The following ADAM29 variants were observed in gnomAD, a reference collection of about 807,000 sequenced individuals.
The protein encoded by ADAM29 is ADAM metallopeptidase domain 29, also known as disintegrin and metalloproteinase domain-containing protein 29.
For synonymous variants in ADAM29, 367 were observed against 342.3 expected, an observed-to-expected ratio of 1.07 and a Z score of -0.80; for missense variants, 969 against 1,001.8, an observed-to-expected ratio of 0.97 and a Z score of 0.44.
Position 174,976,739 on chromosome 4 carries a change from T to C in ADAM29, c.1214T>C (p.Val405Ala). Residue 405 changes from valine (V) to alanine (A), a missense_variant, in exon 5 of 5, where the codon GTT becomes GCT. Transcript: ENST00000359240. ...GTGAAGCGCTGTGGGAATGGTGTTGTTGAAGAAGGAGAAGAGTGTGACTGT... is the reference window on the plus strand; with the variant it reads ...GTGAAGCGCTGTGGGAATGGTGTTGCTGAAGAAGGAGAAGAGTGTGACTGT... ...FNVKRCGNGV[V>A]EEGEECDCGP... is the part of the protein sequence containing the mutation. 1 of 1,613,942 alleles carries C rather than the reference T, an allele frequency of 6.2e-7. No homozygotes were observed. Among genetic ancestry groups the C allele is most frequent in the Non-Finnish European group, 8.5e-7 (1 of 1,179,910 alleles).
chr4:174,935,650 T>G (rs2110950493), intron 3 of ADAM29, among the ~76,000 whole-genome samples: 1 of 152,228 alleles, frequency 6.6e-6, no homozygotes, highest in African/African-American at 2.4e-5. Context: ...CTTAATCTAT[T>G]TAGAAGTTTT....
intron 4 of ADAM29, among the ~76,000 whole-genome samples, chr4:174,957,651 CAATT>C (rs1256079537): frequency 2.0e-5 from 3 of 151,644 alleles, no homozygotes; most frequent in Non-Finnish European, 4.4e-5. Context: ...TTCAAGCAGC[CAATT>C]AATATTTTTA....
rs374967958 is a variant in ADAM29 at position 174,977,502 on chromosome 4, A to C, written c.1977A>C (p.Gly659=). The C allele has an allele frequency of 6.2e-7, 1 of 1,614,222 alleles. No homozygotes were observed. Among genetic ancestry groups the C allele is most frequent in the African/African-American group, 1.3e-5 (1 of 75,062 alleles). Residue 659 remains glycine (G), a synonymous_variant, in exon 5 of 5, where the codon GGA becomes GGC. Coordinates refer to ENST00000359240, the MANE Select transcript of ADAM29 (RefSeq NM_014269.4). ...CCAACTGCCTGATAAAAGGCTATGG[A>C]GGTAGTGTTGACAGTGGCCCACCCC... ...DPPNCLIKGY[G]GSVDSGPPPK... is the part of the protein sequence containing the mutation.
In ADAM29 at chr4:174,978,178, G is replaced by C; in HGVS notation, c.*190G>C. 8 of 928,742 alleles carry C rather than the reference G, an allele frequency of 8.6e-6. No individual in the cohort carries two copies. 57.5% of individuals were successfully genotyped at this position (928,742 alleles called of 1,614,324 possible). On this transcript the variant is annotated 3_prime_UTR_variant, in exon 5 of 5. Transcript: ENST00000359240. ...AGGTACATTAAAAAAATAATTCCTA[G>C]TATGTTTCTACTTACTCTTCATTGT... is the stretch of plus-strand genomic sequence containing the variant.
rs769787170 is a variant in ADAM29 at position 174,976,663 on chromosome 4, G to A, written c.1138G>A (p.Glu380Lys). Residue 380 changes from glutamate (E) to lysine (K), a missense_variant, in exon 5 of 5, where the codon GAG becomes AAG. Physicochemically the swap from Glu to Lys is moderately conservative, Grantham distance 56. Transcript: ENST00000359240. ...SYGDFWEYTV[E>K]RTKCLLETVH... ...TGGTGATTTTTGGGAATATACTGTA[G>A]AGAGGACAAAGTGTTTGCTTGAAAC... 7.6e-5 allele frequency: 123 copies of A among 1,613,854 alleles called. No individual in the cohort carries two copies. The highest frequency in any genetic ancestry group is 9.9e-5 in the Non-Finnish European group (117 of 1,179,954).
rs147498990 is a variant in ADAM29, at chr4:174,962,887, C to T, written c.-180-12459C>T. ...ATTTAGTGTTGATAATTGAGTCAAG[C>T]ACGAATTATCAATAAAATAACATGA... On this transcript the variant is annotated intron_variant, in intron 4 of 4. Coordinates refer to ENST00000359240, the MANE Select transcript of ADAM29 (RefSeq NM_014269.4). Among the ~76,000 whole-genome samples, 495 of 152,176 alleles carry T rather than the reference C, an allele frequency of 3.3e-3. 2 individuals carry two copies. Among genetic ancestry groups the T allele is most frequent in the Middle Eastern group, 0.017 (5 of 294 alleles).
Position 174,975,599 on chromosome 4 carries a change from C to A in ADAM29, c.74C>A (p.Pro25His). The A allele has an allele frequency of 6.2e-7, 1 of 1,602,136 alleles. No individual in the cohort carries two copies. Among genetic ancestry groups the A allele is most frequent in the South Asian group, 1.1e-5 (1 of 88,740 alleles). Residue 25 changes from proline to histidine, a missense_variant, in exon 5 of 5, where the codon CCC becomes CAC. Pro to His is a moderately conservative substitution (Grantham distance 77). Coordinates refer to ENST00000359240, the MANE Select transcript of ADAM29 (RefSeq NM_014269.4). ...TCTGGACACATCCAGGATGAGCACCCCCAATATCACAGCCCTCCGGATGTG... is the reference window on the plus strand; with the variant it reads ...TCTGGACACATCCAGGATGAGCACCACCAATATCACAGCCCTCCGGATGTG... ...SCSGHIQDEH[P>H]QYHSPPDVVI...
intron 2 of ADAM29, among the ~76,000 whole-genome samples, chr4:174,921,661 C>T (rs969614719): frequency 1.3e-5 from 2 of 152,124 alleles, no homozygotes; most frequent in East Asian, 1.9e-4. Context: ...ATCAGTTTCC[C>T]GTCTCAGTAA....
At chr4:174,949,794 G>A (rs541046858) in intron 4 of ADAM29, among the ~76,000 whole-genome samples, 1 of 151,878 alleles carries the variant, frequency 6.6e-6, no homozygotes, top group East Asian at 1.9e-4. Flanking sequence ...GCATCCATCC[G>A]CATTTAAAAT....
intron 4 of ADAM29, among the ~76,000 whole-genome samples, chr4:174,947,082 A>G (rs969988849): frequency 6.6e-6 from 1 of 151,940 alleles, no homozygotes; most frequent in Admixed American, 6.6e-5. Flanking sequence ...TATGGGGCCA[A>G]TGGTAATTTC....
At chr4:174,918,788 A>G (rs890757071) in intron 1 of ADAM29, 1 of 152,156 alleles carries the variant, frequency 6.6e-6, no homozygotes, top group Non-Finnish European at 1.5e-5. Context: ...GCAGTGATAT[A>G]AATTTGTTCA....
chr4:174,975,720 C>T lies in ADAM29; in HGVS notation c.195C>T (p.Ile65=), dbSNP rs61753554. ...ILPFGGQKHI[I]HIKVKKLLFS... ...CCTTTGGAGGCCAGAAACACATTAT[C>T]CACATAAAGGTCAAGAAGCTTTTGT... The change falls in exon 5 of 5, where the codon ATC becomes ATT. Residue 65 remains isoleucine (I), a synonymous_variant. Coordinates refer to ENST00000359240, the MANE Select transcript of ADAM29 (RefSeq NM_014269.4). The T allele has an allele frequency of 8.9e-3, 14,371 of 1,611,736 alleles. 126 individuals are homozygous for T. Among genetic ancestry groups the T allele is most frequent in the Non-Finnish European group, 9.2e-3 (10,849 of 1,179,056 alleles).
intron 2 of ADAM29, among the ~76,000 whole-genome samples, chr4:174,922,922 A>G (rs1387835651): frequency 6.6e-6 from 1 of 152,084 alleles, no homozygotes; most frequent in African/African-American, 2.4e-5. Context: ...ACTATTTCCT[A>G]TACTCAAACA....
intron 4 of ADAM29, among the ~76,000 whole-genome samples, chr4:174,943,883 C>T (rs1418179120): frequency 6.6e-6 from 1 of 151,776 alleles, no homozygotes; most frequent in African/African-American, 2.4e-5. Context: ...AATACACACT[C>T]ATTTTATGAG....
rs1266514104 is a variant in ADAM29 at position 174,953,721 on chromosome 4, T to TA, written c.-181+16708_-181+16709insA. On this transcript the variant is annotated intron_variant, in intron 4 of 4. Transcript: ENST00000359240. ...GACCCATGCTTTTTTTTATTATTAT[T>TA]TTTTTCTGAGATGGGGTCTTGCTCT... Among the ~76,000 whole-genome samples, 731 of 152,216 alleles carry TA rather than the reference T, an allele frequency of 4.8e-3. 6 individuals carry two copies. Among genetic ancestry groups the TA allele is most frequent in the African/African-American group, 0.017 (703 of 41,518 alleles).
intron 4 of ADAM29, among the ~76,000 whole-genome samples, chr4:174,943,530 G>A (rs1408872953): frequency 6.6e-6 from 1 of 152,152 alleles, no homozygotes; most frequent in African/African-American, 2.4e-5. Context: ...GAGAGAGCAA[G>A]GGAGGATCAT....
chr4:174,923,560 T>TATATATATATATATATAG (rs70947473), intron 2 of ADAM29, among the ~76,000 whole-genome samples: 23 of 115,910 alleles, frequency 2.0e-4, no homozygotes, highest in South Asian at 8.2e-4. Context: ...TATATATATA[T>TATATATATATATATATAG]ACACACACAC....
chr4:174,973,950 G>T (rs1224817724), intron 4 of ADAM29, among the ~76,000 whole-genome samples: 1 of 152,224 alleles, frequency 6.6e-6, no homozygotes, highest in Non-Finnish European at 1.5e-5. Flanking sequence ...CTACAGCAGG[G>T]TTGTATCAGC....
intron 3 of ADAM29, among the ~76,000 whole-genome samples, chr4:174,934,436 TTTTC>T (rs1744088608): frequency 6.6e-6 from 1 of 152,132 alleles, no homozygotes; most frequent in Non-Finnish European, 1.5e-5. Context: ...ATATTTACCA[TTTTC>T]TTTCTTTGTA....
Sources: allele counts gnomAD v4.1 joint callset (sites outside exome capture counted in the v4.1 genomes callset), GRCh38; gene constraint gnomAD v4.1.1; transcripts MANE v1.5; gene names NCBI Gene and HGNC (gene_info 2026-07-23, HGNC 2026-07-21).